ABCA2: variants seen among roughly 807,000 people sequenced by gnomAD.
ABCA2 encodes the protein ATP-binding cassette sub-family A member 2.
ABCA2 carries 84 observed loss-of-function variants against 262.8 expected under a neutral mutation model. The ratio of observed to expected loss-of-function variants is 0.32; its 90% confidence interval spans 0.27 to 0.38. The LOEUF is 0.38. Ranked by LOEUF, ABCA2 falls within the 10% of genes least tolerant of loss-of-function variation. The probability of loss-of-function intolerance (pLI) is 1.00; values close to 1 mark genes in which losing one functional copy is unlikely to be tolerated. For missense variants in ABCA2, 2,662 were observed against 3,405.9 expected (o/e 0.78, Z 5.44); for synonymous variants, 1,696 against 1,502.9 (o/e 1.13, Z -2.97).
Position 137,016,907 on chromosome 9 carries a change from G to T in ABCA2, c.2758+13C>A, listed in dbSNP as rs202016332. On this transcript the variant is annotated intron_variant, in intron 19 of 48. Coordinates refer to ENST00000341511, the MANE Select transcript of ABCA2 (RefSeq NM_001606.5). ...CCCTGCCTCTCCCCTGCCCTCCAAG[G>T]GCTGGCCAGTACCTGGGTGCACAGC... 629 of 1,610,792 alleles carry T rather than the reference G, an allele frequency of 3.9e-4. 3 individuals are homozygous for T. The highest frequency in any genetic ancestry group is 7.1e-5 in the Non-Finnish European group (84 of 1,178,926).
At chr9:137,028,419 C>G (rs1034953611), upstream of ABCA2, 140 of 399,552 alleles carry the variant, frequency 3.5e-4, 1 homozygote, top group Non-Finnish European at 4.6e-4. The surrounding 1 kb of genome is among the most constrained non-coding windows in gnomAD (Gnocchi z 6.9). Context: ...GCCCGAGACC[C>G]TGCGCGCGCC....
At position 137,010,957 on chromosome 9, in the gene ABCA2, C is replaced by A; in HGVS notation, c.6056+16G>T. ...TGCTCCCGCCCCGCCCCCGCCCCAC[C>A]CCGCCCCCCACTCACTGTGGCCGCC... On this transcript the variant is annotated intron_variant, in intron 39 of 48. Transcript: ENST00000341511. 7.3e-7 allele frequency: 1 copy of A among 1,378,812 alleles called. No homozygotes were observed. 85.4% of individuals were successfully genotyped at this position (1,378,812 alleles called of 1,614,324 possible).
rs766725680 is a variant in ABCA2 at position 137,019,208 on chromosome 9, C to T, written c.1524G>A (p.Arg508=). The T allele has an allele frequency of 1.2e-6, 2 of 1,612,608 alleles. No homozygotes were observed. Among genetic ancestry groups the T allele is most frequent in the Non-Finnish European group, 1.7e-6 (2 of 1,179,882 alleles). The change falls in exon 11 of 49, where the codon AGG becomes AGA. Residue 508 remains arginine (R), a synonymous_variant. Transcript: ENST00000341511. This position sits in a 1 kb window ranked among gnomAD's most constrained non-coding sequence, Gnocchi z 4.4. ...AEIRSFLEQG[R]LQQHLRWLQQ... ...GCAGCCAGCGCAGGTGTTGCTGCAG[C>T]CTGCCCTGCTCCAGGAAGCTGCGGA...
intron 42 of ABCA2, 30 bp downstream of exon 42, chr9:137,009,953 G>C: frequency 6.3e-7 from 1 of 1,595,642 alleles, no homozygotes; most frequent in Non-Finnish European, 8.6e-7. Context: ...CCAGCGTGCT[G>C]ACTCCCTGCC....
At chr9:137,015,269 C>A in intron 24 of ABCA2, 145 bp downstream of exon 24, 1 of 1,203,820 alleles carries the variant, frequency 8.3e-7, no homozygotes, top group Non-Finnish European at 1.1e-6. Context: ...AAGATACGGG[C>A]GTTGCAGAGG....
At chr9:137,023,767 A>G (rs1187842483) in intron 3 of ABCA2, 71 bp downstream of exon 3, 5 of 723,674 alleles carry the variant, frequency 6.9e-6, no homozygotes, top group East Asian at 5.2e-5. Flanking sequence ...AGGGCGCTCA[A>G]GCCAGGACGG....
intron 45 of ABCA2, 21 bp downstream of exon 45, chr9:137,009,349 C>A (rs1214901952): frequency 1.3e-6 from 2 of 1,563,726 alleles, no homozygotes; most frequent in Non-Finnish European, 1.7e-6. Context: ...CCAGCCCACC[C>A]CTGGCCCTGC....
intron 2 of ABCA2, 90 bp from the exon 3 acceptor site, chr9:137,023,930 G>A: frequency 1.6e-6 from 2 of 1,289,664 alleles, no homozygotes; most frequent in Non-Finnish European, 2.2e-6. Context: ...ACATCACCAG[G>A]AAGAGGCGTT....
At chr9:137,012,213 C>A in intron 33 of ABCA2, 51 bp from the exon 34 acceptor site, 1 of 1,604,024 alleles carries the variant, frequency 6.2e-7, no homozygotes, top group African/African-American at 1.3e-5. Context: ...CTCCTCCCCG[C>A]CCCGGCCCCA....
rs374858138 is a variant in ABCA2 at position 137,011,306 on chromosome 9, G to A, written c.5803C>T (p.Leu1935=). The change falls in exon 38 of 49, where the codon CTG becomes TTG. Residue 1935 remains leucine (L), a synonymous_variant. Transcript: ENST00000341511. This position sits in a 1 kb window ranked among gnomAD's most constrained non-coding sequence, Gnocchi z 8.8. The part of the protein sequence containing the change: ...LLQLFEHDKD[L]KVVNSYLKSC... ...TTCAGGTAACTGTTGACAACCTTCA[G>A]GTCCTGCGGGGTGGCCGGGGTCAGG... 57 of 1,610,930 alleles carry A rather than the reference G, an allele frequency of 3.5e-5. No homozygotes were observed. The highest frequency in any genetic ancestry group is 4.7e-5 in the Non-Finnish European group (55 of 1,178,684).
At chr9:137,023,807 G>A (rs746638132) in intron 3 of ABCA2, 31 bp downstream of exon 3, 1 of 757,160 alleles carries the variant, frequency 1.3e-6, no homozygotes, top group South Asian at 1.4e-5. Flanking sequence ...TGCTGCCCAG[G>A]CCAGCCAGGA....
At position 137,017,384 on chromosome 9, in the gene ABCA2, G is replaced by A. The variant is rs776837878; in HGVS notation, c.2403-38C>T. On this transcript the variant is annotated intron_variant, in intron 17 of 48. Transcript: ENST00000341511. ...GGGCCACGCGCACCGTCATCCACCC[G>A]CACGCCCGGCCTCCTGGGCAGGCCC... 45 of 1,608,970 alleles carry A rather than the reference G, an allele frequency of 2.8e-5. No individual in the cohort carries two copies. The highest frequency in any genetic ancestry group is 1.0e-4 in the Admixed American group (6 of 59,840).
rs1173530564 is a variant in ABCA2 at position 137,008,865 on chromosome 9, G to A, written c.6934C>T (p.Arg2312Trp). Reference protein sequence around the residue: ...RNFPEAMLKERHHTKVQYQLK... With the variant: ...RNFPEAMLKEWHHTKVQYQLK... ...TGGTACTGCACCTTTGTGTGGTGCC[G>A]CTCCTGCAGGGGGGGAGGTCAGAGG... Residue 2312 changes from arginine (R) to tryptophan (W), a missense_variant, in exon 47 of 49, where the codon CGG (arginine) becomes TGG (tryptophan). Around this residue, in one of 12 missense-constraint regions of ABCA2, gnomAD observed 212 missense variants for 214.4 expected, o/e 0.99. Coordinates refer to ENST00000341511, the MANE Select transcript of ABCA2 (RefSeq NM_001606.5). 8 of 1,603,928 alleles carry A rather than the reference G, an allele frequency of 5.0e-6. No individual in the cohort carries two copies. The highest frequency in any genetic ancestry group is 1.3e-5 in the African/African-American group (1 of 74,816).
Position 137,008,907 on chromosome 9 carries a change from C to G in ABCA2, c.6931-39G>C, listed in dbSNP as rs375127084. The G allele has an allele frequency of 3.8e-6, 6 of 1,590,394 alleles. No individual in the cohort carries two copies. In the Admixed American group the frequency reaches 5.1e-5, roughly 13 times the overall value. On this transcript the variant is annotated intron_variant, in intron 46 of 48. Transcript: ENST00000341511. ...GGTCAGAGGCCTGGCAGCGCCCCCC[C>G]ACCCCGTAGCGCCCCCTCCACAACC...
chr9:137,022,282 G>A (rs1831495725), intron 6 of ABCA2, 69 bp downstream of exon 6: 3 of 1,501,858 alleles, frequency 2.0e-6, no homozygotes, highest in Non-Finnish European at 2.7e-6. Context: ...CCTGAGGATG[G>A]CTCAGCAACC....
rs1188910964 is a variant in ABCA2 at position 137,016,592 on chromosome 9, T to C, written c.2905A>G (p.Met969Val). The change falls in exon 20 of 49, where the codon ATG becomes GTG. Residue 969 changes from methionine to valine, a missense_variant. Met to Val is a conservative substitution (Grantham distance 21). Coordinates refer to ENST00000341511, the MANE Select transcript of ABCA2 (RefSeq NM_001606.5). ...GCCTCACCAAAGCGCCGGCTCTCCA[T>C]GGCACAGGCCTGGTCCTCCTCCATG... Reference protein sequence around the residue: ...SVMEEDQACAMESRRFEETRG... With the variant: ...SVMEEDQACAVESRRFEETRG... 1.9e-6 allele frequency: 3 copies of C among 1,612,162 alleles called. No homozygotes were observed. The highest frequency in any genetic ancestry group is 1.7e-5 in the Admixed American group (1 of 59,992).
rs747350281 is a variant in ABCA2, at chr9:137,011,930, C to T, written c.5449G>A (p.Glu1817Lys). Residue 1817 changes from glutamate to lysine, a missense_variant, in exon 35 of 49, where the codon GAG (glutamate) becomes AAG (lysine). Glu to Lys is a moderately conservative substitution (Grantham distance 56, BLOSUM62 1). This residue lies in a region of ABCA2 where 602 missense variants were observed against 897.4 expected (regional missense o/e 0.67). Transcript: ENST00000341511. This position sits in a 1 kb window ranked among gnomAD's most constrained non-coding sequence, Gnocchi z 8.8. Reference sequence around the variant, plus strand: ...AGGTGCTTGGCCTTGGTGGACTTCTCGGCCACGAGGAAGACAACGAAGCTG... The same window carrying T: ...AGGTGCTTGGCCTTGGTGGACTTCTTGGCCACGAGGAAGACAACGAAGCTG... ...PASFVVFLVA[E>K]KSTKAKHLQF... 2 of 1,612,510 alleles carry T rather than the reference C, an allele frequency of 1.2e-6. No homozygotes were observed. Among genetic ancestry groups the T allele is most frequent in the Admixed American group, 1.7e-5 (1 of 59,994 alleles).
intron 1 of ABCA2, among the ~76,000 whole-genome samples, chr9:137,025,709 G>C (rs977256125): frequency 6.6e-6 from 1 of 152,216 alleles, no homozygotes; most frequent in Non-Finnish European, 1.5e-5. Flanking sequence ...CAGAGGCAGG[G>C]GTCACAGCAC....
At chr9:137,028,664 A>T (rs1831749909), upstream of ABCA2, 3 of 1,151,674 alleles carry the variant, frequency 2.6e-6, no homozygotes, top group Non-Finnish European at 3.3e-6. This position sits in a 1 kb window ranked among gnomAD's most constrained non-coding sequence, Gnocchi z 6.9. Flanking sequence ...CACCCCCGTA[A>T]GGGTCTCCTG....
Sources: gnomAD v4.1 joint callset for allele counts (sites outside exome capture counted in the v4.1 genomes callset) on GRCh38, gnomAD v4.1.1 for gene constraint, gnomAD v4.1.1 regional missense constraint, Gnocchi (gnomAD v3.1) non-coding constraint, MANE v1.5 for transcripts, NCBI Gene and HGNC (gene_info 2026-07-23, HGNC 2026-07-21) for gene names.